ZBTB20: variants seen among roughly 807,000 people sequenced by gnomAD.
The protein encoded by ZBTB20 is zinc finger and BTB domain-containing protein 20.
Under a neutral mutation model 56.9 loss-of-function variants are expected in ZBTB20, and 9 were observed. The ratio of observed to expected loss-of-function variants is 0.16; its 90% confidence interval spans 0.10 to 0.28. The LOEUF is 0.28. Among genes scored for constraint, ZBTB20 ranks in the 10% least tolerant of loss-of-function variants. ZBTB20 has a pLI of 1.00. For synonymous variants in ZBTB20, 417 were observed against 420.7 expected (o/e 0.99, Z 0.11); for missense variants, 655 against 1,003.0 (o/e 0.65, Z 4.69).
chr3:115,082,640 A>C (rs1295978927), intron 1 of ZBTB20, among the ~76,000 whole-genome samples: 1 of 152,128 alleles, frequency 6.6e-6, no homozygotes, highest in Non-Finnish European at 1.5e-5. Flanking sequence ...CTTAAGGTGA[A>C]AACAAGTTGG....
At chr3:115,126,967 C>T (rs1421696708) in intron 1 of ZBTB20, among the ~76,000 whole-genome samples, 1 of 152,098 alleles carries the variant, frequency 6.6e-6, no homozygotes, top group South Asian at 2.1e-4. Flanking sequence ...GCTTAAAGTC[C>T]AATTCTTTTA....
At chr3:115,120,456 A>G (rs2084152687) in intron 1 of ZBTB20, among the ~76,000 whole-genome samples, 1 of 152,140 alleles carries the variant, frequency 6.6e-6, no homozygotes, top group Admixed American at 6.5e-5. Context: ...ACTTAAGTAA[A>G]AAATTAACAG....
rs561492028 is a variant in ZBTB20, at chr3:114,315,675, T to G, written c.*23330A>C. ...CTAAGATACAATGTGATAAGAAACA[T>G]TTCTGTGCAGGGAAAAAGGTTTCTT... is the stretch of plus-strand genomic sequence containing the variant. On this transcript the variant is annotated 3_prime_UTR_variant, in exon 12 of 12. Transcript: ENST00000675478. 1 of 151,792 alleles carries G rather than the reference T, an allele frequency of 6.6e-6. No homozygotes were observed. Among genetic ancestry groups the G allele is most frequent in the African/African-American group, 2.4e-5 (1 of 41,346 alleles). The allele number at this position is 151,792 out of a possible 1,614,324, so 9.4% of individuals were successfully genotyped here. A position where few individuals can be genotyped will look rare whatever the true frequency, so the allele number is the denominator to read the frequency against.
intron 2 of ZBTB20, among the ~76,000 whole-genome samples, chr3:115,060,477 T>G (rs1018223120): frequency 6.6e-6 from 1 of 152,160 alleles, no homozygotes; most frequent in Non-Finnish European, 1.5e-5. Flanking sequence ...GGATTCTTTC[T>G]TAAGATACTC....
chr3:114,847,754 C>T (rs1213464697), intron 4 of ZBTB20, among the ~76,000 whole-genome samples: 1 of 152,160 alleles, frequency 6.6e-6, no homozygotes, highest in Non-Finnish European at 1.5e-5. Flanking sequence ...CTTACTCCAG[C>T]ACTTGTGCAA....
intron 2 of ZBTB20, among the ~76,000 whole-genome samples, chr3:115,018,707 G>A (rs1356234459): frequency 1.3e-5 from 2 of 151,416 alleles, no homozygotes; most frequent in South Asian, 2.1e-4. Flanking sequence ...AATTGATTAT[G>A]AGATAAGATA....
chr3:114,982,573 T>C (rs2078372323), intron 2 of ZBTB20, among the ~76,000 whole-genome samples: 1 of 152,038 alleles, frequency 6.6e-6, no homozygotes. Flanking sequence ...AGGTTTTAGT[T>C]ATAAATTCAT....
At chr3:114,845,832 T>C (rs115406709) in intron 4 of ZBTB20, among the ~76,000 whole-genome samples, 1,741 of 152,310 alleles carry the variant, frequency 0.011, 33 homozygotes, top group African/African-American at 0.039. Context: ...AACACTAAAT[T>C]GGGCAGTGAT....
At chr3:115,117,909 A>G (rs959499162) in intron 1 of ZBTB20, among the ~76,000 whole-genome samples, 1 of 152,152 alleles carries the variant, frequency 6.6e-6, no homozygotes, top group Non-Finnish European at 1.5e-5. Context: ...CATACACTCT[A>G]TCTCTAGGTG....
At chr3:115,041,315 C>T (rs2081132916) in intron 2 of ZBTB20, among the ~76,000 whole-genome samples, 1 of 152,230 alleles carries the variant, frequency 6.6e-6, no homozygotes, top group Admixed American at 6.5e-5. Flanking sequence ...AGGAACGAAA[C>T]TGAGGCTCAT....
At chr3:114,607,302 CAT>C (rs1491250049) in intron 6 of ZBTB20, among the ~76,000 whole-genome samples, 3 of 76,658 alleles carry the variant, frequency 3.9e-5, no homozygotes, top group Admixed American at 2.6e-4. Flanking sequence ...ACTGTTCATT[CAT>C]TTTTTTTTTT....
intron 5 of ZBTB20, among the ~76,000 whole-genome samples, chr3:114,699,719 G>A (rs918612451): frequency 6.6e-6 from 1 of 151,848 alleles, no homozygotes. Flanking sequence ...TAATGTAATC[G>A]GATTCAGCAA....
chr3:114,724,224 A>G (rs2065115519), intron 5 of ZBTB20, among the ~76,000 whole-genome samples: 1 of 152,176 alleles, frequency 6.6e-6, no homozygotes, highest in Non-Finnish European at 1.5e-5. Flanking sequence ...GGAAGACTGT[A>G]AAAACAGACA....
intron 7 of ZBTB20, among the ~76,000 whole-genome samples, chr3:114,423,800 T>C (rs1294398551): frequency 6.6e-6 from 1 of 152,200 alleles, no homozygotes; most frequent in African/African-American, 2.4e-5. Flanking sequence ...GCAGGACAGG[T>C]GAACCAGAAG....
intron 6 of ZBTB20, chr3:114,599,348 T>C (rs2056583788): frequency 1.3e-5 from 2 of 152,096 alleles, no homozygotes; most frequent in South Asian, 2.1e-4. Context: ...CTTCAAAGCC[T>C]AATAAAGTTG....
chr3:114,418,216 T>C (rs2088780651), intron 7 of ZBTB20, among the ~76,000 whole-genome samples: 1 of 152,108 alleles, frequency 6.6e-6, no homozygotes, highest in Non-Finnish European at 1.5e-5. Flanking sequence ...TGTTATCTGA[T>C]GTTACCAAGC....
At position 114,351,382 on chromosome 3, in the gene ZBTB20, C is replaced by A; in HGVS notation, c.696G>T (p.Leu232=). The change falls in exon 11 of 12, where the codon CTG becomes CTT. Residue 232 remains leucine, a synonymous_variant. Transcript: ENST00000675478. ...CCACGCTGTGCTGTGGGTGGCTCTG[C>A]AGGTAGCCCGACTCCGTGTCGCTGC... ...GQSSDTESGY[L]QSHPQHSVDR... is the part of the protein sequence containing the mutation. The A allele has an allele frequency of 6.2e-7, 1 of 1,611,814 alleles. No homozygotes were observed. The highest frequency in any genetic ancestry group is 1.1e-5 in the South Asian group (1 of 91,036).
chr3:115,018,505 C>T (rs748989036), intron 2 of ZBTB20, among the ~76,000 whole-genome samples: 1 of 151,154 alleles, frequency 6.6e-6, no homozygotes, highest in Non-Finnish European at 1.5e-5. Context: ...GCAATGGGGC[C>T]AAGGGTGCTA....
intron 1 of ZBTB20, among the ~76,000 whole-genome samples, chr3:115,101,461 A>G (rs984075280): frequency 1.3e-5 from 2 of 152,160 alleles, no homozygotes; most frequent in Non-Finnish European, 2.9e-5. Flanking sequence ...TGTAAGTGAT[A>G]TATTTGCAGC....
Sources: allele counts gnomAD v4.1 joint callset (sites outside exome capture counted in the v4.1 genomes callset), GRCh38; gene constraint gnomAD v4.1.1; transcripts MANE v1.5; gene names NCBI Gene and HGNC (gene_info 2026-07-23, HGNC 2026-07-21).